The following CAST variants were observed in gnomAD, a reference collection of about 807,000 sequenced individuals.
CAST encodes MIR583 host.
CAST carries 76 observed loss-of-function variants against 119.6 expected under a neutral mutation model. That is an observed-to-expected ratio of 0.64 (90% CI 0.53 to 0.77). The LOEUF (loss-of-function observed/expected upper bound fraction) is 0.77. CAST is among the 30% of genes least tolerant of loss of function. The pLI is 0.00. For missense variants in CAST, 953 were observed against 946.5 expected (o/e 1.01, Z -0.09); for synonymous variants, 319 against 331.6 (o/e 0.96, Z 0.41).
At chr5:96,759,037 A>G (rs866760665) in intron 24 of CAST, among the ~76,000 whole-genome samples, 12 of 152,128 alleles carry the variant, frequency 7.9e-5, no homozygotes, top group African/African-American at 2.4e-4. Flanking sequence ...GTAACAATGG[A>G]TTTATATGCC....
the CAST span, among the ~76,000 whole-genome samples, chr5:96,380,150 C>G: frequency 3.3e-5 from 5 of 152,088 alleles, no homozygotes; most frequent in African/African-American, 4.8e-5. Flanking sequence ...CGTAATAATC[C>G]TCACATGATT....
At chr5:96,425,073 A>G in the CAST span, among the ~76,000 whole-genome samples, 1 of 149,800 alleles carries the variant, frequency 6.7e-6, no homozygotes, top group East Asian at 2.0e-4. Flanking sequence ...AGAAAGAAAG[A>G]AAACGTAGGG....
At chr5:96,013,389 G>A in the CAST span, among the ~76,000 whole-genome samples, 1 of 151,186 alleles carries the variant, frequency 6.6e-6, no homozygotes, top group Non-Finnish European at 1.5e-5. Context: ...ATTATGTCTT[G>A]GATATATTCA....
the CAST span, among the ~76,000 whole-genome samples, chr5:96,472,693 G>C: frequency 6.6e-6 from 1 of 152,154 alleles, no homozygotes; most frequent in African/African-American, 2.4e-5. Context: ...CCATGTAATG[G>C]CTTTAGGTCT....
At chr5:96,423,665 C>A in the CAST span, among the ~76,000 whole-genome samples, 63 of 152,302 alleles carry the variant, frequency 4.1e-4, 1 homozygote, top group Admixed American at 1.3e-3. Flanking sequence ...CCGATTGTCC[C>A]AAATGGACAT....
At chr5:96,430,894 G>T in the CAST span, among the ~76,000 whole-genome samples, 2 of 152,088 alleles carry the variant, frequency 1.3e-5, no homozygotes, top group Admixed American at 6.5e-5. Flanking sequence ...ATGATGTATT[G>T]TTTTTTACTA....
the CAST span, among the ~76,000 whole-genome samples, chr5:96,287,084 G>A: frequency 7.1e-4 from 108 of 152,002 alleles, no homozygotes; most frequent in Middle Eastern, 6.8e-3. Flanking sequence ...TCCCATTTCC[G>A]TTTTCTTATT....
the CAST span, among the ~76,000 whole-genome samples, chr5:96,383,350 C>A: frequency 6.6e-6 from 1 of 152,152 alleles, no homozygotes; most frequent in Non-Finnish European, 1.5e-5. Flanking sequence ...ATGTGCTATA[C>A]CCTGAGACTG....
chr5:96,222,094 A>G, the CAST span, among the ~76,000 whole-genome samples: 27 of 152,304 alleles, frequency 1.8e-4, no homozygotes, highest in African/African-American at 6.5e-4. Flanking sequence ...CTCTCCCCAC[A>G]TACAAGAATC....
At chr5:96,063,356 G>A in the CAST span, among the ~76,000 whole-genome samples, 1 of 152,148 alleles carries the variant, frequency 6.6e-6, no homozygotes, top group Non-Finnish European at 1.5e-5. Context: ...TTGAGACTTG[G>A]GTGGTCCAAG....
chr5:96,369,907 G>T, the CAST span, among the ~76,000 whole-genome samples: 9 of 151,936 alleles, frequency 5.9e-5, no homozygotes, highest in Non-Finnish European at 1.2e-4. Context: ...TTTCTTCACT[G>T]TTGTATCCCC....
At chr5:96,415,905 G>A in the CAST span, 1 of 701,172 alleles carries the variant, frequency 1.4e-6, no homozygotes. Context: ...AAGTCCTGTA[G>A]CAACTTTGGC....
the CAST span, among the ~76,000 whole-genome samples, chr5:96,089,505 A>T: frequency 6.6e-6 from 1 of 152,266 alleles, no homozygotes; most frequent in African/African-American, 2.4e-5. Context: ...TCATACATCC[A>T]TACAATAGAT....
the CAST span, among the ~76,000 whole-genome samples, chr5:96,133,101 G>A: frequency 6.6e-6 from 1 of 152,184 alleles, no homozygotes; most frequent in African/African-American, 2.4e-5. Context: ...AAGATGTCAG[G>A]AAGAAACAGA....
intron 15 of CAST, 105 bp from the exon 16 acceptor site, chr5:96,742,550 C>A: frequency 2.6e-6 from 2 of 766,034 alleles, no homozygotes; most frequent in Admixed American, 2.4e-5. Flanking sequence ...CTTCCCCAAT[C>A]CATATTCAGT....
chr5:96,583,677 C>T (rs891749731), intron 1 of CAST, among the ~76,000 whole-genome samples: 3 of 152,136 alleles, frequency 2.0e-5, no homozygotes, highest in African/African-American at 7.2e-5. Flanking sequence ...CAACTTTTTG[C>T]CCACATTTAC....
At chr5:96,724,667 C>T (rs1758924364) in intron 4 of CAST, among the ~76,000 whole-genome samples, 1 of 151,386 alleles carries the variant, frequency 6.6e-6, no homozygotes, top group Non-Finnish European at 1.5e-5. Context: ...CCCGTGTCTA[C>T]AAAAAATTAG....
the CAST span, among the ~76,000 whole-genome samples, chr5:96,237,695 A>G: frequency 6.6e-6 from 1 of 151,992 alleles, no homozygotes; most frequent in African/African-American, 2.4e-5. Flanking sequence ...TGTAATTTCT[A>G]TTGAGACTTT....
chr5:96,027,767 C>T, the CAST span, among the ~76,000 whole-genome samples: 56 of 152,186 alleles, frequency 3.7e-4, no homozygotes, highest in Admixed American at 1.6e-3. Context: ...ATCCTTGCAA[C>T]TTTATATTCT....
Sources: gnomAD v4.1 joint callset for allele counts (sites outside exome capture counted in the v4.1 genomes callset) on GRCh38, gnomAD v4.1.1 for gene constraint, MANE v1.5 for transcripts, NCBI Gene and HGNC (gene_info 2026-07-23, HGNC 2026-07-21) for gene names.